Variants in FGFR2 observed in about 807,000 individuals in gnomAD.
The protein encoded by FGFR2 is BEK fibroblast growth factor receptor.
A neutral mutation model predicts 95.9 loss-of-function variants in FGFR2; 19 were observed. The ratio of observed to expected loss-of-function variants is 0.20; its 90% CI spans 0.14 to 0.29. The LOEUF is 0.29. Among genes scored for constraint, FGFR2 ranks in the 10% least tolerant of loss-of-function variants. The pLI is 1.00. For missense variants in FGFR2, 707 were observed against 1,056.9 expected (o/e 0.67, Z 4.59); for synonymous variants, 392 against 393.3 (o/e 1.00, Z 0.04).
intron 17 of FGFR2, 25 bp downstream of exon 17, chr10:121,483,673 G>C (rs564747036): frequency 6.5e-7 from 1 of 1,542,258 alleles, no homozygotes; most frequent in Non-Finnish European, 9.0e-7. Context: ...CCAAGGACAA[G>C]GGGCTTCTAG....
At chr10:121,589,598 T>C (rs1862326822) in intron 2 of FGFR2, among the ~76,000 whole-genome samples, 1 of 152,204 alleles carries the variant, frequency 6.6e-6, no homozygotes, top group Non-Finnish European at 1.5e-5. Flanking sequence ...ACCCCAAATT[T>C]GAATCAGAGA....
rs1434819678 is a variant in FGFR2, at chr10:121,515,302, C to T, written c.1102G>A (p.Glu368Lys). 6.2e-7 allele frequency: 1 copy of T among 1,614,002 alleles called. No individual in the cohort carries two copies. Among genetic ancestry groups the T allele is most frequent in the Non-Finnish European group, 8.5e-7 (1 of 1,180,026 alleles). The change falls in exon 9 of 18, where the codon GAG (glutamate) becomes AAG (lysine). Residue 368 changes from glutamate (E) to lysine (K), a missense_variant. Around this residue, in one of 7 missense-constraint regions of FGFR2, gnomAD observed 194 missense variants for 267.3 expected, o/e 0.73. Coordinates refer to ENST00000358487, the MANE Select transcript of FGFR2 (RefSeq NM_000141.5). ...TVLPAPGREK[E>K]ITASPDYLEI... ...AGGTAGTCTGGGGAAGCTGTAATCT[C>T]CTTTTCTCTTCCAGGCGCTAGATTG...
chr10:121,484,778 G>A (rs533701594), intron 16 of FGFR2, among the ~76,000 whole-genome samples: 6 of 152,206 alleles, frequency 3.9e-5, no homozygotes, highest in Non-Finnish European at 5.9e-5. Context: ...TAAGGAGGGC[G>A]CCTGGACACA....
chr10:121,481,908 C>A, intron 17 of FGFR2: 1 of 265,448 alleles, frequency 3.8e-6, no homozygotes. Flanking sequence ...ATGATCTCGG[C>A]TCACTGCAAC....
In FGFR2 at chr10:121,587,244, C is replaced by CA. The variant is rs1433714670; in HGVS notation, c.109+6464dup. ...GCTGACCCCTTCCTTATACCATATA[C>CA]AAAAAATCACCTCAAGATGGAAGAA... On this transcript the variant is annotated intron_variant, in intron 2 of 17. Coordinates refer to ENST00000358487, the MANE Select transcript of FGFR2 (RefSeq NM_000141.5). 3.9e-5 allele frequency among the ~76,000 whole-genome samples: 6 copies of CA among 152,100 alleles called. No individual in the cohort carries two copies. In the East Asian group the frequency reaches 7.7e-4, roughly 20 times the overall value.
intron 1 of FGFR2, chr10:121,596,553 T>G: frequency 5.0e-6 from 1 of 199,234 alleles, no homozygotes; most frequent in Non-Finnish European, 1.0e-5. Flanking sequence ...CAGACCCATC[T>G]CTTCGCTTAA....
Position 121,478,880 on chromosome 10 carries a change from G to A in FGFR2, c.*977C>T, listed in dbSNP as rs1208202762. ...GTCTGTCCTCAAGGAATGGATTAAG[G>A]CATCTTTTAAGAGGACGCTGGTACC... On this transcript the variant is annotated 3_prime_UTR_variant, in exon 18 of 18. Coordinates refer to ENST00000358487, the MANE Select transcript of FGFR2 (RefSeq NM_000141.5). The A allele has an allele frequency of 4.3e-6, 1 of 233,432 alleles. No homozygotes were observed. The highest frequency in any genetic ancestry group is 8.5e-6 in the Non-Finnish European group (1 of 117,962). The allele number at this position is 233,432 out of a possible 1,614,324, so 14.5% of individuals were successfully genotyped here. A position where few individuals can be genotyped will look rare whatever the true frequency, so the allele number is the denominator to read the frequency against.
Position 121,520,108 on chromosome 10 carries a change from G to T in FGFR2, c.810C>A (p.Val270=), listed in dbSNP as rs150488750. 6.2e-7 allele frequency: 1 copy of T among 1,614,158 alleles called. No homozygotes were observed. Among genetic ancestry groups the T allele is most frequent in the Non-Finnish European group, 8.5e-7 (1 of 1,180,016 alleles). Residue 270 remains valine (V), a synonymous_variant, in exon 7 of 18, where the codon GTC becomes GTA. Transcript: ENST00000358487. ...AGLPANASTV[V]GGDVEFVCKV... is the part of the protein sequence containing the mutation. ...TGCAGACAAACTCTACGTCTCCTCC[G>T]ACCACTGTGGAGGCATTTGCCGGCA...
At chr10:121,554,550 ACCG>A (rs1344962593) in intron 4 of FGFR2, among the ~76,000 whole-genome samples, 17 of 115,872 alleles carry the variant, frequency 1.5e-4, no homozygotes, top group African/African-American at 7.9e-4. Flanking sequence ...ACAGGGTTTC[ACCG>A]TTTTAGCCAG....
chr10:121,574,460 C>CG (rs1299403589), intron 2 of FGFR2, among the ~76,000 whole-genome samples: 9 of 151,984 alleles, frequency 5.9e-5, no homozygotes, highest in Non-Finnish European at 8.8e-5. Flanking sequence ...ATCCGGGAGG[C>CG]GGGGGTTGCA....
chr10:121,584,838 A>G (rs1038617859), intron 2 of FGFR2, among the ~76,000 whole-genome samples: 1 of 7,166 alleles, frequency 1.4e-4, no homozygotes. Context: ...CCGATCCCAT[A>G]ACCCCTCTCC....
intron 4 of FGFR2, among the ~76,000 whole-genome samples, chr10:121,554,661 G>A (rs769274500): frequency 1.4e-4 from 21 of 151,996 alleles, no homozygotes; most frequent in Non-Finnish European, 2.6e-4. Context: ...GTGAGCTACC[G>A]CGCCCGGCTG....
At chr10:121,565,812 C>T in intron 2 of FGFR2, 108 bp from the exon 3 acceptor site, 1 of 1,395,304 alleles carries the variant, frequency 7.2e-7, no homozygotes, top group South Asian at 1.2e-5. Context: ...AGAAGCTGTT[C>T]TTGCTCTGCA....
At chr10:121,506,700 G>A (rs1848336431) in intron 9 of FGFR2, among the ~76,000 whole-genome samples, 1 of 152,298 alleles carries the variant, frequency 6.6e-6, no homozygotes, top group East Asian at 1.9e-4. Context: ...GTCCCACAGC[G>A]AGGTGTGAGA....
chr10:121,540,362 C>G (rs1156257401), intron 5 of FGFR2, among the ~76,000 whole-genome samples: 1 of 152,160 alleles, frequency 6.6e-6, no homozygotes, highest in Non-Finnish European at 1.5e-5. Flanking sequence ...GAGCCGTAGA[C>G]TTGTAACAGG....
rs1051324390 is a variant in FGFR2 at position 121,518,827 on chromosome 10, G to C, written c.939+1152C>G. The C allele has an allele frequency of 1.2e-6, 2 of 1,613,914 alleles. No individual in the cohort carries two copies. The highest frequency in any genetic ancestry group is 1.3e-5 in the African/African-American group (1 of 74,912). On this transcript the variant is annotated intron_variant, in intron 7 of 17. Coordinates refer to ENST00000358487, the MANE Select transcript of FGFR2 (RefSeq NM_000141.5). The surrounding 1 kb of genome is among the most constrained non-coding windows in gnomAD (Gnocchi z 4.0). ...CTGCATTGGAACTATTTATCCCCGA[G>C]TGCTAGAACAGACACAGGAGAACAA...
intron 17 of FGFR2, among the ~76,000 whole-genome samples, chr10:121,482,852 G>A (rs1469259002): frequency 6.6e-6 from 1 of 152,170 alleles, no homozygotes; most frequent in Non-Finnish European, 1.5e-5. Flanking sequence ...AGACTGGAGT[G>A]CAGTGGCGCA....
chr10:121,521,671 C>T (rs1452858014), intron 6 of FGFR2, among the ~76,000 whole-genome samples: 1 of 150,146 alleles, frequency 6.7e-6, no homozygotes, highest in Non-Finnish European at 1.5e-5. Flanking sequence ...AGACAAGTGT[C>T]GGCAAGGATG....
chr10:121,597,108 T>A (rs946754671), intron 1 of FGFR2, among the ~76,000 whole-genome samples: 16 of 152,344 alleles, frequency 1.1e-4, no homozygotes, highest in African/African-American at 3.8e-4. Context: ...GAGAACGGTC[T>A]GCAAGGGAGC....
Sources: allele counts gnomAD v4.1 joint callset (sites outside exome capture counted in the v4.1 genomes callset), GRCh38; gene constraint gnomAD v4.1.1; regional missense constraint gnomAD v4.1.1; non-coding constraint Gnocchi (gnomAD v3.1); transcripts MANE v1.5; gene names NCBI Gene and HGNC (gene_info 2026-07-23, HGNC 2026-07-21).